Variants in ASPH observed in about 807,000 individuals in gnomAD.
The protein encoded by ASPH is aspartyl/asparaginyl beta-hydroxylase.
Under a neutral mutation model 118.4 loss-of-function variants are expected in ASPH, and 100 were observed. The observed-to-expected ratio is 0.84, with a 90% confidence interval of 0.72 to 1.00. ASPH has a LOEUF of 1.00. Ranked by LOEUF, ASPH falls within the 50% of genes least tolerant of loss-of-function variation. The pLI is 0.00. For synonymous variants in ASPH, 315 were observed against 325.6 expected (o/e 0.97, Z 0.35); for missense variants, 920 against 919.5 (o/e 1.00, Z -0.01).
At chr8:61,578,690 G>A (rs1036358585) in intron 15 of ASPH, 16 of 1,606,460 alleles carry the variant, frequency 1.0e-5, no homozygotes, top group African/African-American at 5.3e-5. Flanking sequence ...TGGGCCAGGA[G>A]AAGCTGAAGC....
intron 14 of ASPH, among the ~76,000 whole-genome samples, chr8:61,614,460 G>A (rs1168883732): frequency 6.6e-6 from 1 of 152,180 alleles, no homozygotes; most frequent in African/African-American, 2.4e-5. Context: ...CAGTGAATTT[G>A]TCAAAGTACA....
chr8:61,576,258 T>C (rs934991895), intron 16 of ASPH, among the ~76,000 whole-genome samples: 2 of 152,024 alleles, frequency 1.3e-5, no homozygotes, highest in Admixed American at 1.3e-4. Context: ...ACATGCTTCA[T>C]GAAAGGAGTT....
chr8:61,700,989 G>A (rs950856869), intron 1 of ASPH, among the ~76,000 whole-genome samples: 3 of 152,154 alleles, frequency 2.0e-5, no homozygotes, highest in Admixed American at 6.5e-5. Context: ...TTTAACAAGT[G>A]TATACAACAT....
At chr8:61,509,494 T>C (rs1257167458) in intron 24 of ASPH, among the ~76,000 whole-genome samples, 3 of 152,202 alleles carry the variant, frequency 2.0e-5, no homozygotes, top group African/African-American at 4.8e-5. Context: ...GTCACTCTCA[T>C]GGTCATCTTG....
rs113585761 is a variant in ASPH, at chr8:61,702,882, G to C, written c.103+11387C>G. 6.9e-3 allele frequency among the ~76,000 whole-genome samples: 1,049 copies of C among 152,288 alleles called. 10 individuals are homozygous for C. Among genetic ancestry groups the C allele is most frequent in the African/African-American group, 0.023 (964 of 41,562 alleles). Reference sequence around the variant, plus strand: ...CAAATATATAATATCAATAGGTGCAGAGAAAATATTCCGTACTAATCACAA... The same window carrying C: ...CAAATATATAATATCAATAGGTGCACAGAAAATATTCCGTACTAATCACAA... On this transcript the variant is annotated intron_variant, in intron 1 of 24. Transcript: ENST00000379454.
intron 1 of ASPH, among the ~76,000 whole-genome samples, chr8:61,696,828 G>T (rs1209517765): frequency 6.6e-6 from 1 of 152,076 alleles, no homozygotes; most frequent in African/African-American, 2.4e-5. Flanking sequence ...TGAAAGAAAA[G>T]TTATTACAAT....
At chr8:61,681,283 C>T (rs2151625199) in intron 2 of ASPH, among the ~76,000 whole-genome samples, 1 of 151,838 alleles carries the variant, frequency 6.6e-6, no homozygotes, top group East Asian at 1.9e-4. Flanking sequence ...ACAGCATTAT[C>T]TTTAAAGATT....
chr8:61,507,340 T>C (rs757532978), intron 24 of ASPH, among the ~76,000 whole-genome samples: 14 of 152,226 alleles, frequency 9.2e-5, no homozygotes, highest in Non-Finnish European at 1.9e-4. Flanking sequence ...GGTTGTTAAT[T>C]GGCCTGTTTC....
intron 24 of ASPH, chr8:61,517,277 G>A (rs1381875984): frequency 9.3e-6 from 4 of 428,834 alleles, no homozygotes; most frequent in Non-Finnish European, 1.7e-5. Context: ...GAGAAACAAG[G>A]CAGCTCCTCA....
chr8:61,681,099 A>G, intron 2 of ASPH, 63 bp from the exon 3 acceptor site: 1 of 1,355,994 alleles, frequency 7.4e-7, no homozygotes, highest in Non-Finnish European at 1.0e-6. Flanking sequence ...ATAAGGTATT[A>G]TAACTTAGTG....
chr8:61,544,835 T>C (rs1326465319), intron 21 of ASPH, among the ~76,000 whole-genome samples: 2 of 152,210 alleles, frequency 1.3e-5, no homozygotes, highest in Non-Finnish European at 2.9e-5. Flanking sequence ...TAGTGTGCTA[T>C]TTAAAAAGAA....
intron 14 of ASPH, among the ~76,000 whole-genome samples, chr8:61,589,074 AG>A (rs1263676062): frequency 1.3e-5 from 2 of 152,238 alleles, no homozygotes; most frequent in Non-Finnish European, 2.9e-5. Context: ...TACAGAAAAC[AG>A]GTAAGTGGCT....
chr8:61,580,025 T>C (rs967093914), intron 15 of ASPH, among the ~76,000 whole-genome samples: 2 of 151,156 alleles, frequency 1.3e-5, no homozygotes, highest in African/African-American at 4.9e-5. Flanking sequence ...TCTGAAATCA[T>C]CTCCTTTGAC....
At chr8:61,582,708 C>A (rs541075826) in intron 15 of ASPH, among the ~76,000 whole-genome samples, 164 of 152,302 alleles carry the variant, frequency 1.1e-3, no homozygotes, top group Non-Finnish European at 2.0e-3. Flanking sequence ...AACATGCGGA[C>A]GTACATTCTT....
At chr8:61,552,096 C>T (rs1302225988) in intron 20 of ASPH, among the ~76,000 whole-genome samples, 1 of 152,176 alleles carries the variant, frequency 6.6e-6, no homozygotes, top group Non-Finnish European at 1.5e-5. Flanking sequence ...TTTTAGAAAC[C>T]TGAAGCTGTA....
chr8:61,644,496 T>C (rs983889658), intron 7 of ASPH, 104 bp downstream of exon 7: 1 of 751,882 alleles, frequency 1.3e-6, no homozygotes, highest in African/African-American at 1.9e-5. Flanking sequence ...ATCTTGCATA[T>C]ATTAATTTAA....
chr8:61,654,237 T>C lies in ASPH; in HGVS notation c.323-577A>G, dbSNP rs550320367. Among the ~76,000 whole-genome samples the C allele has an allele frequency of 7.2e-5, 11 of 152,332 alleles. No individual in the cohort carries two copies. The South Asian group carries it at 2.3e-3, about 32-fold the overall frequency. ...TAAAAGTTCTTCTCCCTTTTACAAG[T>C]CCTAATAAGACAGCAGGGTATGTTA... On this transcript the variant is annotated intron_variant, in intron 3 of 24. Transcript: ENST00000379454.
At chr8:61,711,581 T>C (rs974282180) in intron 1 of ASPH, among the ~76,000 whole-genome samples, 1 of 152,036 alleles carries the variant, frequency 6.6e-6, no homozygotes, top group Non-Finnish European at 1.5e-5. Context: ...AAATCTGTGA[T>C]ATAAATTCCC....
chr8:61,622,208 C>T (rs1010304591), intron 13 of ASPH, among the ~76,000 whole-genome samples: 1 of 152,080 alleles, frequency 6.6e-6, no homozygotes, highest in African/African-American at 2.4e-5. Flanking sequence ...CGTGGTGGCA[C>T]GTGCCTGTAG....
Sources: gnomAD v4.1 joint callset for allele counts (sites outside exome capture counted in the v4.1 genomes callset) on GRCh38, gnomAD v4.1.1 for gene constraint, MANE v1.5 for transcripts, NCBI Gene and HGNC (gene_info 2026-07-23, HGNC 2026-07-21) for gene names.